Variants in HDAC4 observed in about 807,000 individuals in gnomAD.
HDAC4 encodes histone deacetylase A.
Under a neutral mutation model 135.1 loss-of-function variants are expected in HDAC4, and 16 were observed. The ratio of observed to expected loss-of-function variants is 0.12; its 90% confidence interval spans 0.08 to 0.18. The LOEUF (loss-of-function observed/expected upper bound fraction) is 0.18. HDAC4 is among the 10% of genes least tolerant of loss of function. The pLI is 1.00. For missense variants in HDAC4, 1,143 were observed against 1,511.8 expected, an observed-to-expected ratio of 0.76 and a Z score of 4.05; for synonymous variants, 685 against 653.4, an observed-to-expected ratio of 1.05 and a Z score of -0.74.
chr2:239,343,648 G>A (rs976570461), intron 2 of HDAC4, among the ~76,000 whole-genome samples: 2 of 152,204 alleles, frequency 1.3e-5, no homozygotes, highest in Non-Finnish European at 2.9e-5. Context: ...CCCTCTCGTG[G>A]CATGAACCAC....
intron 16 of HDAC4, among the ~76,000 whole-genome samples, chr2:239,102,195 C>T (rs2037732927): frequency 6.6e-6 from 1 of 152,210 alleles, no homozygotes; most frequent in East Asian, 1.9e-4. Context: ...GGCCTGGGAA[C>T]ACTGGAAGCC....
chr2:239,161,800 C>A, intron 6 of HDAC4: 1 of 424,192 alleles, frequency 2.4e-6, no homozygotes, highest in East Asian at 7.0e-5. Context: ...CCTCCCAGCC[C>A]CAGCCACTCT....
At chr2:239,208,283 C>T (rs863617) in intron 3 of HDAC4, among the ~76,000 whole-genome samples, 99,423 of 143,830 alleles carry the variant, frequency 0.69, 35,313 homozygotes, top group South Asian at 0.92. Flanking sequence ...GCCGAGATCG[C>T]GCCACTGCAC....
intron 17 of HDAC4, chr2:239,092,021 A>C (rs1203035321): frequency 6.6e-6 from 1 of 152,238 alleles, no homozygotes; most frequent in South Asian, 2.1e-4. Flanking sequence ...CAGTGAGCCG[A>C]GATCGCGCCA....
intron 15 of HDAC4, among the ~76,000 whole-genome samples, chr2:239,103,734 CTGTA>C (rs2037866704): frequency 6.6e-6 from 1 of 152,248 alleles, no homozygotes; most frequent in Non-Finnish European, 1.5e-5. Context: ...GGTGTCCACC[CTGTA>C]TGTGAGACCT....
At chr2:239,156,109 C>T (rs995644689) in intron 7 of HDAC4, among the ~76,000 whole-genome samples, 6 of 152,236 alleles carry the variant, frequency 3.9e-5, no homozygotes, top group Non-Finnish European at 8.8e-5. Context: ...GCCTAAATGC[C>T]CTTCTCCCTT....
rs2052376777 is a variant in HDAC4, at chr2:239,303,262, CCCGACAGCTTGACAATGTGAA to C, written c.22+49395_22+49415del. 6.6e-6 allele frequency among the ~76,000 whole-genome samples: 1 copy of C among 152,260 alleles called. No homozygotes were observed. Among genetic ancestry groups the C allele is most frequent in the Non-Finnish European group, 1.5e-5 (1 of 68,048 alleles). The stretch of plus-strand genomic sequence containing the variant: ...CCTGGAGGACAAGGTCCCTGGAATC[CCCGACAGCTTGACAATGTGAA>C]ATAAGTTTCGCTTCCTTTTTATCTA... On this transcript the variant is annotated intron_variant, in intron 2 of 26. Coordinates refer to ENST00000543185, the MANE Select transcript of HDAC4 (RefSeq NM_001378414.1). The surrounding 1 kb of genome is among the most constrained non-coding windows in gnomAD (Gnocchi z 5.1).
intron 2 of HDAC4, among the ~76,000 whole-genome samples, chr2:239,241,276 G>A (rs956638547): frequency 3.3e-5 from 5 of 152,196 alleles, no homozygotes; most frequent in Non-Finnish European, 7.3e-5. Flanking sequence ...GAAGGGAGTG[G>A]GGAGAAAGTG....
intron 2 of HDAC4, among the ~76,000 whole-genome samples, chr2:239,239,771 G>T (rs895272740): frequency 6.6e-6 from 1 of 152,220 alleles, no homozygotes; most frequent in Non-Finnish European, 1.5e-5. Context: ...GGAAATGCTC[G>T]AAGGGAAAGC....
intron 8 of HDAC4, among the ~76,000 whole-genome samples, chr2:239,140,071 A>G (rs1291707825): frequency 5.9e-5 from 9 of 152,248 alleles, no homozygotes; most frequent in Admixed American, 3.3e-4. Flanking sequence ...TAAACACCAA[A>G]AAGATAAATC....
intron 17 of HDAC4, chr2:239,091,935 G>A (rs1049874643): frequency 3.3e-5 from 5 of 151,834 alleles, no homozygotes; most frequent in South Asian, 4.2e-4. Flanking sequence ...GCCAGGTGCC[G>A]TGGTGGGCGC....
chr2:239,287,432 A>G (rs887129746), intron 2 of HDAC4, among the ~76,000 whole-genome samples: 16 of 152,142 alleles, frequency 1.1e-4, no homozygotes, highest in African/African-American at 3.4e-4. Flanking sequence ...ACCAAGTGGC[A>G]CCTCCTTACA....
At chr2:239,255,892 G>GTGAGAATTAATT (rs2049027467) in intron 2 of HDAC4, among the ~76,000 whole-genome samples, 1 of 152,066 alleles carries the variant, frequency 6.6e-6, no homozygotes, top group Non-Finnish European at 1.5e-5. Flanking sequence ...TACACACTTG[G>GTGAGAATTAATT]GCAAAAGCAA....
chr2:239,052,333 C>A lies in HDAC4; in HGVS notation c.*764G>T, dbSNP rs1030849600. ...GGCTGGCCACAGGAAACTGTCCCAC[C>A]GATTCCTGCTGTTTGTTTTTTCTTA... On this transcript the variant is annotated 3_prime_UTR_variant, in exon 27 of 27. Coordinates refer to ENST00000543185, the MANE Select transcript of HDAC4 (RefSeq NM_001378414.1). 1 of 152,296 alleles carries A rather than the reference C, an allele frequency of 6.6e-6. No individual in the cohort carries two copies. The highest frequency in any genetic ancestry group is 1.5e-5 in the Non-Finnish European group (1 of 68,030). 9.4% of individuals were successfully genotyped at this position (152,296 alleles called of 1,614,324 possible).
chr2:239,181,595 G>A (rs608911), intron 4 of HDAC4, among the ~76,000 whole-genome samples: 128,635 of 152,292 alleles, frequency 0.84, 54,410 homozygotes, highest in South Asian at 0.91. Context: ...AGCTCTTGCC[G>A]TGTCCTTCAT....
chr2:239,320,067 C>G (rs971929527), intron 2 of HDAC4, among the ~76,000 whole-genome samples: 1 of 151,844 alleles, frequency 6.6e-6, no homozygotes, highest in African/African-American at 2.4e-5. Context: ...AAAATAAATG[C>G]GTGTGGAGGG....
At chr2:239,168,972 G>A (rs1479403623) in intron 5 of HDAC4, among the ~76,000 whole-genome samples, 2 of 152,304 alleles carry the variant, frequency 1.3e-5, no homozygotes, top group East Asian at 3.9e-4. Context: ...ACGGCGCTTC[G>A]GATGCAGCGC....
intron 24 of HDAC4, among the ~76,000 whole-genome samples, chr2:239,058,863 T>C (rs771490027): frequency 6.6e-6 from 1 of 152,226 alleles, no homozygotes; most frequent in Non-Finnish European, 1.5e-5. Flanking sequence ...TAGCAAGTTC[T>C]GTTTAATGAA....
intron 6 of HDAC4, among the ~76,000 whole-genome samples, chr2:239,162,709 G>GT (rs1292288661): frequency 7.9e-5 from 12 of 152,256 alleles, no homozygotes; most frequent in Admixed American, 1.3e-4. Context: ...TGTGTCTGCC[G>GT]TGAGTGCAGC....
Sources: gnomAD v4.1 joint callset for allele counts (sites outside exome capture counted in the v4.1 genomes callset) on GRCh38, gnomAD v4.1.1 for gene constraint, Gnocchi (gnomAD v3.1) non-coding constraint, MANE v1.5 for transcripts, NCBI Gene and HGNC (gene_info 2026-07-23, HGNC 2026-07-21) for gene names.